H2AL3: variants seen among roughly 807,000 people sequenced by gnomAD.
H2AL3 encodes histone H2A-like 3.
rs1300073200 is a variant in H2AL3 at position 37,994,312 on chromosome X, G to A, written c.-32G>A. The A allele has an allele frequency of 8.9e-6, 1 of 112,523 alleles. No homozygotes were observed. Among genetic ancestry groups the A allele is most frequent in the Admixed American group, 9.4e-5 (1 of 10,653 alleles). The allele number at this position is 112,523 out of a possible 1,213,427, so 9.3% of individuals were successfully genotyped here. ...CTCAGGCCAGCAGGAAAATCAAGCT[G>A]TGCCAATTGGGGCAAAACCCAGCAA... On this transcript the variant is annotated 5_prime_UTR_variant, in exon 1 of 1. It adds an upstream start codon to the 5' untranslated region. Transcript: ENST00000448797.
chrX:37,994,864 G>C lies in H2AL3; in HGVS notation c.*74G>C, dbSNP rs756535364. On this transcript the variant is annotated 3_prime_UTR_variant, in exon 1 of 1. Coordinates refer to ENST00000448797, the Ensembl canonical transcript of H2AL3. ...AATTCCCATAGATGAAAGACCCCAGGTTGCTTCCATCTGCCCAAGCTATTA... is the reference window on the plus strand; with the variant it reads ...AATTCCCATAGATGAAAGACCCCAGCTTGCTTCCATCTGCCCAAGCTATTA... 2.7e-5 allele frequency: 3 copies of C among 111,017 alleles called. No individual in the cohort carries two copies. In the South Asian group the frequency reaches 1.2e-3, roughly 44 times the overall value. The allele number at this position is 111,017 out of a possible 1,213,427, so 9.1% of individuals were successfully genotyped here.
At chrX:37,994,405 C>A (rs1933657896) in exon 1 of H2AL3, 1 of 114,088 alleles carries the variant, frequency 8.8e-6, no homozygotes. Flanking sequence ...TCCAGAAGAG[C>A]AGAGCTGCAG....
At chrX:37,994,598 G>A (rs59846436) in exon 1 of H2AL3, 1,925 of 113,460 alleles carry the variant, frequency 0.017, 47 homozygotes, top group African/African-American at 0.059. Flanking sequence ...ACGTGAAGAG[G>A]GCACTGCAAA....
exon 1 of H2AL3, chrX:37,994,550 G>A (rs1377160630): frequency 1.5e-5 from 2 of 131,023 alleles, no homozygotes; most frequent in African/African-American, 6.4e-5. Context: ...TGGGCAAGGA[G>A]GTCAAGAACA....
exon 1 of H2AL3, chrX:37,994,540 T>C (rs769325292): frequency 6.9e-6 from 1 of 145,519 alleles, no homozygotes; most frequent in Admixed American, 9.5e-5. Context: ...CTGGAAAAGG[T>C]GGGCAAGGAG....
Sources: allele counts gnomAD v4.1 joint callset, GRCh38; gene constraint gnomAD v4.1.1; transcripts MANE v1.5; gene names NCBI Gene and HGNC (gene_info 2026-07-23, HGNC 2026-07-21).